Variants in CUX1 observed in about 807,000 individuals in gnomAD.
CUX1 encodes protein CASP.
Under a neutral mutation model 158.8 loss-of-function variants are expected in CUX1, and 31 were observed. That is an observed-to-expected ratio of 0.20 (90% CI 0.15 to 0.26). The LOEUF (loss-of-function observed/expected upper bound fraction) is 0.26, where lower values mean the gene tolerates loss of function less well. Among genes scored for constraint, CUX1 ranks in the 10% least tolerant of loss-of-function variants. The pLI, the probability that CUX1 is intolerant of heterozygous loss-of-function variation, is 1.00. For synonymous variants in CUX1, 879 were observed against 862.1 expected (o/e 1.02, Z -0.34); for missense variants, 1,589 against 2,014.6 (o/e 0.79, Z 4.04).
intron 20 of CUX1, among the ~76,000 whole-genome samples, chr7:102,281,593 G>A (rs959042657): frequency 2.0e-5 from 3 of 152,078 alleles, no homozygotes; most frequent in Non-Finnish European, 2.9e-5. Context: ...AACCCAGGAG[G>A]TGGAGGTTGC....
At chr7:102,027,022 A>G (rs1310863670) in intron 2 of CUX1, among the ~76,000 whole-genome samples, 3 of 152,064 alleles carry the variant, frequency 2.0e-5, no homozygotes, top group Non-Finnish European at 4.4e-5. Flanking sequence ...GGCATGGGAT[A>G]AAATTTATTG....
intron 2 of CUX1, among the ~76,000 whole-genome samples, chr7:101,930,124 G>A (rs1806121996): frequency 6.6e-6 from 1 of 152,236 alleles, no homozygotes; most frequent in South Asian, 2.1e-4. Flanking sequence ...TTACAGGCAT[G>A]CGTCACCACG....
chr7:102,102,689 G>A (rs1829908268), intron 5 of CUX1, among the ~76,000 whole-genome samples: 1 of 152,142 alleles, frequency 6.6e-6, no homozygotes, highest in Non-Finnish European at 1.5e-5. Context: ...CTGAGCACAC[G>A]TCTGTTTGCC....
intron 8 of CUX1, among the ~76,000 whole-genome samples, chr7:102,152,414 T>C (rs186960029): frequency 5.4e-4 from 81 of 149,680 alleles, no homozygotes; most frequent in African/African-American, 2.1e-3. Flanking sequence ...TTTGTTTGTT[T>C]GTTTTTGTTT....
chr7:101,861,751 GT>G (rs1162786400), intron 1 of CUX1, among the ~76,000 whole-genome samples: 1 of 151,912 alleles, frequency 6.6e-6, no homozygotes, highest in Non-Finnish European at 1.5e-5. Context: ...CAGTACCAGA[GT>G]TATCATCACC....
intron 8 of CUX1, among the ~76,000 whole-genome samples, chr7:102,128,597 T>C (rs1331003062): frequency 6.6e-6 from 1 of 151,252 alleles, no homozygotes; most frequent in Admixed American, 6.6e-5. Context: ...GGTCGCAACA[T>C]CGTAAAGACC....
chr7:102,047,741 C>A (rs748936771), intron 3 of CUX1, among the ~76,000 whole-genome samples: 4 of 152,102 alleles, frequency 2.6e-5, no homozygotes, highest in Non-Finnish European at 5.9e-5. Flanking sequence ...ATTTAAATTT[C>A]TAGGGTATTT....
chr7:102,166,451 G>A (rs1554508791), intron 9 of CUX1, among the ~76,000 whole-genome samples: 3 of 152,150 alleles, frequency 2.0e-5, no homozygotes, highest in Non-Finnish European at 4.4e-5. Context: ...TGACCACAGG[G>A]AAGTGATGTC....
At chr7:101,834,235 A>G (rs563586325) in intron 1 of CUX1, among the ~76,000 whole-genome samples, 42 of 125,820 alleles carry the variant, frequency 3.3e-4, no homozygotes, top group Admixed American at 2.5e-3. Context: ...GTGCAGTGGC[A>G]CTATCTCAGC....
At position 102,248,752 on chromosome 7, in the gene CUX1, G is replaced by A. The variant is rs1291999799; in HGVS notation, c.4228G>A (p.Ala1410Thr). 55 of 1,041,398 alleles carry A rather than the reference G, an allele frequency of 5.3e-5. No homozygotes were observed. Among genetic ancestry groups the A allele is most frequent in the Non-Finnish European group, 5.3e-5 (46 of 865,778 alleles). The allele number at this position is 1,041,398 out of a possible 1,614,324, so 64.5% of individuals were successfully genotyped here. ...CCTGCCCAGCCCCGCCTCCGCGACC[G>A]CCACCGCCGCGCCCGCGGCCCCCGA... ...GPLPSPASATATAAPAAPEDA... is the reference protein window; with the variant it reads ...GPLPSPASATTTAAPAAPEDA... The change falls in exon 24 of 24, where the codon GCC becomes ACC. Residue 1410 changes from alanine (A) to threonine (T), a missense_variant. This residue lies in a region of CUX1 where 344 missense variants were observed against 323.7 expected (regional missense o/e 1.06). Coordinates refer to ENST00000292535, the MANE Select transcript of CUX1 (RefSeq NM_181552.4). The surrounding 1 kb of genome is among the most constrained non-coding windows in gnomAD (Gnocchi z 5.8).
intron 21 of CUX1, among the ~76,000 whole-genome samples, 191 bp from the exon 22 acceptor site, chr7:102,233,861 G>A (rs1045078827): frequency 3.3e-5 from 5 of 152,138 alleles, no homozygotes; most frequent in Admixed American, 1.3e-4. Flanking sequence ...CCAACTCCCT[G>A]GCCAATGGAG....
intron 3 of CUX1, among the ~76,000 whole-genome samples, chr7:102,033,520 C>T (rs1821041479): frequency 6.6e-6 from 1 of 152,126 alleles, no homozygotes; most frequent in Non-Finnish European, 1.5e-5. Context: ...GCAGCTGCTG[C>T]AGAGATTAAA....
chr7:101,965,566 G>A (rs1811073452), intron 2 of CUX1, among the ~76,000 whole-genome samples: 1 of 152,060 alleles, frequency 6.6e-6, no homozygotes, highest in Non-Finnish European at 1.5e-5. Context: ...ATGATGACTT[G>A]GCCAGGCGCG....
At chr7:102,191,537 T>C (rs1554516980) in intron 12 of CUX1, among the ~76,000 whole-genome samples, 1 of 152,132 alleles carries the variant, frequency 6.6e-6, no homozygotes, top group East Asian at 1.9e-4. Flanking sequence ...CATTACCTGG[T>C]TAACCTTCTC....
chr7:102,081,170 G>A (rs1462228126), intron 4 of CUX1, among the ~76,000 whole-genome samples: 1 of 152,108 alleles, frequency 6.6e-6, no homozygotes. Context: ...GTTGGAGTAT[G>A]CCAGGACGTT....
At chr7:102,057,854 A>T (rs1380340620) in intron 3 of CUX1, among the ~76,000 whole-genome samples, 1 of 152,212 alleles carries the variant, frequency 6.6e-6, no homozygotes, top group Non-Finnish European at 1.5e-5. Flanking sequence ...GTTTGAGAGG[A>T]TTGACTCCTA....
chr7:102,256,194 C>T lies in CUX1; in HGVS notation c.*7152C>T, dbSNP rs967756986. ...CCGTGATTCAGAAGCTGAGACCCTTCCCCAGTGTCTGAGGCCACAGCCATC... is the reference window on the plus strand; with the variant it reads ...CCGTGATTCAGAAGCTGAGACCCTTTCCCAGTGTCTGAGGCCACAGCCATC... On this transcript the variant is annotated 3_prime_UTR_variant, in exon 24 of 24. Coordinates refer to ENST00000292535, the MANE Select transcript of CUX1 (RefSeq NM_181552.4). 1.5e-5 allele frequency: 15 copies of T among 985,358 alleles called. No individual in the cohort carries two copies. Among genetic ancestry groups the T allele is most frequent in the African/African-American group, 1.7e-5 (1 of 57,238 alleles). 61.0% of individuals were successfully genotyped at this position (985,358 alleles called of 1,614,324 possible).
At chr7:102,280,992 A>G in intron 20 of CUX1, 1 of 766,252 alleles carries the variant, frequency 1.3e-6, no homozygotes, top group East Asian at 2.7e-5. Flanking sequence ...GTGATCTGGG[A>G]CAGGGTCTCT....
intron 3 of CUX1, among the ~76,000 whole-genome samples, chr7:102,038,494 AAT>A (rs1384221970): frequency 6.6e-6 from 1 of 152,228 alleles, no homozygotes; most frequent in Non-Finnish European, 1.5e-5. Context: ...TGCAGATTAA[AAT>A]AACTCATCTG....
Sources: gnomAD v4.1 joint callset for allele counts (sites outside exome capture counted in the v4.1 genomes callset) on GRCh38, gnomAD v4.1.1 for gene constraint, gnomAD v4.1.1 regional missense constraint, Gnocchi (gnomAD v3.1) non-coding constraint, MANE v1.5 for transcripts, NCBI Gene and HGNC (gene_info 2026-07-23, HGNC 2026-07-21) for gene names.